The following C10orf90 variants were observed in gnomAD, a reference collection of about 807,000 sequenced individuals.
C10orf90 encodes chromosome 10 open reading frame 90, also known as (E2-independent) E3 ubiquitin-conjugating enzyme FATS.
In C10orf90, 56 loss-of-function variants were observed where a neutral mutation model predicts 62.5. The ratio of observed to expected loss-of-function variants is 0.90; its 90% CI spans 0.72 to 1.12. C10orf90 has a LOEUF of 1.12. Among genes scored for constraint, C10orf90 ranks in the 50% most tolerant of loss-of-function variants. The pLI is 0.00. For missense variants in C10orf90, 970 were observed against 880.4 expected (o/e 1.10, Z -1.29); for synonymous variants, 386 against 340.4 (o/e 1.13, Z -1.47).
chr10:126,427,167 AC>A (rs1275891098), intron 8 of C10orf90, among the ~76,000 whole-genome samples: 3 of 152,208 alleles, frequency 2.0e-5, no homozygotes, highest in African/African-American at 7.2e-5. Context: ...AGTGCCTAGC[AC>A]TCTGTAGGCA....
chr10:126,437,724 G>T (rs898067962), intron 7 of C10orf90, among the ~76,000 whole-genome samples: 1 of 152,026 alleles, frequency 6.6e-6, no homozygotes, highest in African/African-American at 2.4e-5. Flanking sequence ...ATTTAACTGG[G>T]CATCCTATAT....
At chr10:126,613,804 G>C (rs759588156) in intron 2 of C10orf90, among the ~76,000 whole-genome samples, 2 of 152,198 alleles carry the variant, frequency 1.3e-5, no homozygotes, top group Non-Finnish European at 2.9e-5. Flanking sequence ...CTCTGGATTT[G>C]AGCCTCTGGC....
chr10:126,642,304 G>A (rs1176019542), intron 2 of C10orf90, among the ~76,000 whole-genome samples: 3 of 152,146 alleles, frequency 2.0e-5, no homozygotes, highest in Non-Finnish European at 4.4e-5. Flanking sequence ...AGGCCAAGGT[G>A]GGCAGATCAC....
At chr10:126,480,592 G>T (rs1861114800) in intron 4 of C10orf90, among the ~76,000 whole-genome samples, 1 of 152,240 alleles carries the variant, frequency 6.6e-6, no homozygotes, top group Non-Finnish European at 1.5e-5. Context: ...ACAGCGGCCT[G>T]CCCACTGTCA....
At chr10:126,433,903 A>G (rs1857744575) in intron 7 of C10orf90, among the ~76,000 whole-genome samples, 1 of 152,200 alleles carries the variant, frequency 6.6e-6, no homozygotes, top group African/African-American at 2.4e-5. Flanking sequence ...TATGGAGGGA[A>G]GAGACTACAG....
intron 2 of C10orf90, among the ~76,000 whole-genome samples, 181 bp downstream of exon 2, chr10:126,646,384 G>C (rs1166061261): frequency 6.6e-6 from 1 of 152,150 alleles, no homozygotes; most frequent in African/African-American, 2.4e-5. Context: ...TCACTGCCTG[G>C]CTGTTTAGAA....
intron 4 of C10orf90, among the ~76,000 whole-genome samples, chr10:126,489,975 T>C (rs1659734245): frequency 8.2e-6 from 1 of 121,614 alleles, no homozygotes; most frequent in African/African-American, 3.1e-5. Flanking sequence ...TATATATACA[T>C]ATAATATATA....
chr10:126,433,784 T>C (rs1319649240), intron 7 of C10orf90, among the ~76,000 whole-genome samples: 1 of 152,218 alleles, frequency 6.6e-6, no homozygotes, highest in Admixed American at 6.5e-5. Context: ...TTACTCTTAA[T>C]GGAAATTCTG....
At chr10:126,591,769 C>A (rs542014966) in intron 2 of C10orf90, among the ~76,000 whole-genome samples, 1 of 152,264 alleles carries the variant, frequency 6.6e-6, no homozygotes, top group East Asian at 1.9e-4. Flanking sequence ...TCTTTGTTTG[C>A]AGATGATATG....
intron 2 of C10orf90, among the ~76,000 whole-genome samples, chr10:126,638,904 T>C (rs987779189): frequency 5.9e-5 from 9 of 152,232 alleles, no homozygotes; most frequent in African/African-American, 1.4e-4. Flanking sequence ...CTGGGTATCA[T>C]GTGTGGGCAT....
At chr10:126,595,514 T>A (rs1845065885) in intron 2 of C10orf90, among the ~76,000 whole-genome samples, 1 of 152,160 alleles carries the variant, frequency 6.6e-6, no homozygotes, top group Admixed American at 6.5e-5. Context: ...AAATAAGGGA[T>A]TTTGTGGAAT....
intron 7 of C10orf90, among the ~76,000 whole-genome samples, chr10:126,438,578 T>C (rs2134013647): frequency 6.6e-6 from 1 of 152,260 alleles, no homozygotes; most frequent in African/African-American, 2.4e-5. Context: ...CTGAAGGAAC[T>C]GGTTCTCCTC....
chr10:126,494,991 A>C (rs1161543963), intron 4 of C10orf90, among the ~76,000 whole-genome samples: 1 of 152,200 alleles, frequency 6.6e-6, no homozygotes, highest in African/African-American at 2.4e-5. Context: ...ACCTGCTTAA[A>C]CTATGTTGTC....
chr10:126,658,121 A>C (rs1332350683), intron 1 of C10orf90, among the ~76,000 whole-genome samples: 1 of 152,198 alleles, frequency 6.6e-6, no homozygotes, highest in Non-Finnish European at 1.5e-5. Flanking sequence ...ATTCTGTCCC[A>C]GAACAAGGAC....
At chr10:126,566,458 C>G (rs1453790243) in intron 2 of C10orf90, among the ~76,000 whole-genome samples, 6 of 152,094 alleles carry the variant, frequency 3.9e-5, no homozygotes, top group Non-Finnish European at 5.9e-5. Flanking sequence ...TCAGTGAGTT[C>G]CACAATGGAA....
At chr10:126,666,922 G>A (rs1451923870) in intron 1 of C10orf90, among the ~76,000 whole-genome samples, 6 of 151,264 alleles carry the variant, frequency 4.0e-5, no homozygotes, top group Middle Eastern at 3.2e-3. Flanking sequence ...GGAGGTTGCA[G>A]TGAGCCAAGA....
At chr10:126,633,528 C>A (rs2133832999) in intron 2 of C10orf90, among the ~76,000 whole-genome samples, 1 of 152,304 alleles carries the variant, frequency 6.6e-6, no homozygotes. Context: ...AGAAGAGTGG[C>A]CCCTCCTGTA....
At position 126,426,579 on chromosome 10, in the gene C10orf90, T is replaced by C. The variant is rs529149735; in HGVS notation, c.2253-489A>G. On this transcript the variant is annotated intron_variant, in intron 8 of 9. Transcript: ENST00000488181. Reference sequence around the variant, plus strand: ...TTATAATACTGTAATAAAACACATATAAGTGTGTGTGTTTTTACCTCTCAA... The same window carrying C: ...TTATAATACTGTAATAAAACACATACAAGTGTGTGTGTTTTTACCTCTCAA... 2.2e-4 allele frequency among the ~76,000 whole-genome samples: 33 copies of C among 152,326 alleles called. No homozygotes were observed. The South Asian group carries it at 5.6e-3, about 26-fold the overall frequency.
At chr10:126,521,211 G>T in intron 2 of C10orf90, 1 of 1,476,054 alleles carries the variant, frequency 6.8e-7, no homozygotes, top group Non-Finnish European at 9.4e-7. Flanking sequence ...ACAGTACTGG[G>T]CCCAGAAGAT....
Sources: gnomAD v4.1 joint callset for allele counts (sites outside exome capture counted in the v4.1 genomes callset) on GRCh38, gnomAD v4.1.1 for gene constraint, MANE v1.5 for transcripts, NCBI Gene and HGNC (gene_info 2026-07-23, HGNC 2026-07-21) for gene names.